The following TOPAZ1 variants were observed in gnomAD, a reference collection of about 807,000 sequenced individuals.
TOPAZ1 encodes the protein protein TOPAZ1.
Under a neutral mutation model 172.2 loss-of-function variants are expected in TOPAZ1, and 66 were observed. The ratio of observed to expected loss-of-function variants is 0.38; its 90% CI spans 0.31 to 0.47. TOPAZ1 has a LOEUF of 0.47. Among genes scored for constraint, TOPAZ1 ranks in the 20% least tolerant of loss-of-function variants. The pLI is 0.99. For synonymous variants in TOPAZ1, 681 were observed against 683.9 expected, an observed-to-expected ratio of 1.00 and a Z score of 0.07; for missense variants, 1,822 against 1,972.4, an observed-to-expected ratio of 0.92 and a Z score of 1.44.
At chr3:44,291,725 C>T (rs1156761588) in intron 12 of TOPAZ1, among the ~76,000 whole-genome samples, 1 of 142,564 alleles carries the variant, frequency 7.0e-6, no homozygotes, top group African/African-American at 2.6e-5. Context: ...GTATAACATA[C>T]ATAGAAAAAA....
At position 44,297,417 on chromosome 3, in the gene TOPAZ1, A is replaced by G. The variant is rs562500735; in HGVS notation, c.3797+6531A>G. On this transcript the variant is annotated intron_variant, in intron 12 of 19. Transcript: ENST00000309765. ...CATGATTATTCAATTAATACAGAAA[A>G]GCATTTGACAAAATTCAATATCCAT... 5.9e-5 allele frequency among the ~76,000 whole-genome samples: 9 copies of G among 152,218 alleles called. No individual in the cohort carries two copies. The South Asian group carries it at 1.7e-3, about 28-fold the overall frequency.
intron 2 of TOPAZ1, among the ~76,000 whole-genome samples, chr3:44,253,882 A>G (rs1176848765): frequency 6.6e-6 from 1 of 152,228 alleles, no homozygotes; most frequent in Non-Finnish European, 1.5e-5. Flanking sequence ...GGATATGCTT[A>G]TCCACTTGTT....
chr3:44,242,175 G>A lies in TOPAZ1; in HGVS notation c.122G>A (p.Gly41Glu), dbSNP rs920381805. ...GCGGGAGGCTGTGGCCCTGAGGCCG[G>A]GGGGTGCCGGGAAAATAAGCAAAAG... The part of the protein sequence containing the change: ...GAAGGCGPEA[G>E]GCRENKQKRR... Residue 41 changes from glycine to glutamate, a missense_variant, in exon 1 of 20, where the codon GGG becomes GAG. Gly to Glu is a moderately conservative substitution (Grantham distance 98). Coordinates refer to ENST00000309765, the MANE Select transcript of TOPAZ1 (RefSeq NM_001145030.2). The A allele has an allele frequency of 6.5e-7, 1 of 1,545,330 alleles. No individual in the cohort carries two copies. The highest frequency in any genetic ancestry group is 1.2e-5 in the South Asian group (1 of 83,490).
intron 2 of TOPAZ1, among the ~76,000 whole-genome samples, chr3:44,254,520 A>G (rs1219472100): frequency 1.3e-5 from 2 of 151,368 alleles, no homozygotes; most frequent in African/African-American, 2.4e-5. Context: ...CCAGCTACTC[A>G]GGAGGCTGAG....
chr3:44,254,980 A>G lies in TOPAZ1; in HGVS notation c.2778A>G (p.Val926=). The change falls in exon 3 of 20, where the codon GTA becomes GTG. Residue 926 remains valine, a synonymous_variant. Coordinates refer to ENST00000309765, the MANE Select transcript of TOPAZ1 (RefSeq NM_001145030.2). The part of the protein sequence containing the change: ...EPSDDLRELP[V]LDCGWIKPDI... ...TGCTTTATAATAGAGAACTTCCTGT[A>G]CTGGACTGTGGATGGATAAAGCCAG... The G allele has an allele frequency of 1.3e-6, 2 of 1,551,322 alleles. No individual in the cohort carries two copies. Among genetic ancestry groups the G allele is most frequent in the Non-Finnish European group, 1.7e-6 (2 of 1,146,594 alleles).
downstream of TOPAZ1, among the ~76,000 whole-genome samples, chr3:44,333,453 G>C (rs1459025711): frequency 6.6e-6 from 1 of 152,154 alleles, no homozygotes; most frequent in Non-Finnish European, 1.5e-5. Context: ...TAGAAAGTGG[G>C]CATTTGTAAA....
chr3:44,313,006 G>A (rs1178366275), intron 16 of TOPAZ1, among the ~76,000 whole-genome samples: 2 of 151,914 alleles, frequency 1.3e-5, no homozygotes, highest in East Asian at 3.9e-4. Flanking sequence ...TTTTTTTCAG[G>A]CAGTAGCCTT....
chr3:44,281,450 A>G (rs2125690787), intron 8 of TOPAZ1, among the ~76,000 whole-genome samples: 1 of 152,236 alleles, frequency 6.6e-6, no homozygotes, highest in South Asian at 2.1e-4. Context: ...GACTTTTTGC[A>G]TCCTGTTGAA....
At position 44,290,873 on chromosome 3, in the gene TOPAZ1, G is replaced by C. The variant is rs760375582; in HGVS notation, c.3784G>C (p.Glu1262Gln). Residue 1262 changes from glutamate (E) to glutamine (Q), a missense_variant, in exon 12 of 20, where the codon GAA (glutamate) becomes CAA (glutamine). Around this residue, in one of 2 missense-constraint regions of TOPAZ1, gnomAD observed 1,489 missense variants for 1,490.8 expected, o/e 1.00. Coordinates refer to ENST00000309765, the MANE Select transcript of TOPAZ1 (RefSeq NM_001145030.2). The part of the protein sequence containing the change: ...ASKQEITAVL[E>Q]MKSRLQMRRF... ...CAAACAAGAAATAACTGCAGTTCTG[G>C]AAATGAAATCGAGGTGAGAAAAATC... 25 of 1,543,224 alleles carry C rather than the reference G, an allele frequency of 1.6e-5. 1 individual carries two copies. In the African/African-American group the frequency reaches 3.0e-4, roughly 19 times the overall value.
At chr3:44,269,067 G>C in intron 6 of TOPAZ1, 149 bp from the exon 7 acceptor site, 1 of 604,258 alleles carries the variant, frequency 1.7e-6, no homozygotes, top group Non-Finnish European at 3.0e-6. Flanking sequence ...TATTTCACAG[G>C]AACACACATG....
intron 12 of TOPAZ1, among the ~76,000 whole-genome samples, chr3:44,298,051 A>G (rs572239307): frequency 6.6e-6 from 1 of 152,326 alleles, no homozygotes; most frequent in East Asian, 1.9e-4. Context: ...AATTTCATCC[A>G]TTGGTTTAAC....
chr3:44,328,172 C>T (rs530494940), intron 18 of TOPAZ1, 78 bp from the exon 19 acceptor site: 28 of 822,740 alleles, frequency 3.4e-5, no homozygotes, highest in South Asian at 3.2e-4. Context: ...AAGTAATTAT[C>T]GCCTGTAGGT....
intron 9 of TOPAZ1, among the ~76,000 whole-genome samples, chr3:44,284,080 C>T (rs1451833871): frequency 6.6e-6 from 1 of 151,850 alleles, no homozygotes; most frequent in Non-Finnish European, 1.5e-5. Context: ...AACATTTCCA[C>T]CGTCTGTCTT....
chr3:44,243,670 A>G lies in TOPAZ1; in HGVS notation c.1164A>G (p.Thr388=), dbSNP rs1330660222. ...TTTTGAGAAAAGTAAGCCATAATAC[A>G]GTCTCTTTGATGGATCATTTATTAA... ...LNVLRKVSHN[T]VSLMDHLLSV... The change falls in exon 2 of 20, where the codon ACA becomes ACG. Residue 388 remains threonine, a synonymous_variant. Transcript: ENST00000309765. 1 of 1,550,100 alleles carries G rather than the reference A, an allele frequency of 6.5e-7. No individual in the cohort carries two copies. The highest frequency in any genetic ancestry group is 8.7e-7 in the Non-Finnish European group (1 of 1,146,916).
At chr3:44,252,528 A>G (rs770193343) in intron 2 of TOPAZ1, among the ~76,000 whole-genome samples, 1 of 152,220 alleles carries the variant, frequency 6.6e-6, no homozygotes, top group Non-Finnish European at 1.5e-5. Context: ...CTGTTTGGCA[A>G]CTATGGTATT....
Position 44,243,528 on chromosome 3 carries a change from A to G in TOPAZ1, c.1022A>G (p.Asp341Gly), listed in dbSNP as rs752244714. 2 of 1,551,654 alleles carry G rather than the reference A, an allele frequency of 1.3e-6. No homozygotes were observed. The highest frequency in any genetic ancestry group is 1.2e-5 in the South Asian group (1 of 84,034). The change falls in exon 2 of 20, where the codon GAT (aspartate) becomes GGT (glycine). Residue 341 changes from aspartate to glycine, a missense_variant. Asp to Gly is a moderately conservative substitution (Grantham distance 94, BLOSUM62 -1). Transcript: ENST00000309765. Reference protein sequence around the residue: ...RKRMKLSEKADETVTEMNFSN... With the variant: ...RKRMKLSEKAGETVTEMNFSN... ...AGGATGAAGTTGTCTGAAAAAGCAG[A>G]TGAAACAGTTACTGAGATGAACTTC... is the stretch of plus-strand genomic sequence containing the variant.
chr3:44,328,118 T>C (rs953480021), intron 18 of TOPAZ1, 132 bp from the exon 19 acceptor site: 9 of 542,892 alleles, frequency 1.7e-5, no homozygotes, highest in African/African-American at 6.0e-5. Context: ...TAAGCTATCA[T>C]GTAATTTGTT....
At chr3:44,257,945 A>G (rs1288507372) in intron 4 of TOPAZ1, among the ~76,000 whole-genome samples, 1 of 152,016 alleles carries the variant, frequency 6.6e-6, no homozygotes, top group Non-Finnish European at 1.5e-5. Flanking sequence ...TAAAATGAAG[A>G]TTCATAAGAG....
intron 16 of TOPAZ1, among the ~76,000 whole-genome samples, chr3:44,311,144 CA>C (rs923688830): frequency 9.2e-5 from 14 of 152,030 alleles, no homozygotes; most frequent in African/African-American, 3.4e-4. Context: ...TATTCATATA[CA>C]TGTGATTCAT....
Sources: gnomAD v4.1 joint callset for allele counts (sites outside exome capture counted in the v4.1 genomes callset) on GRCh38, gnomAD v4.1.1 for gene constraint, gnomAD v4.1.1 regional missense constraint, MANE v1.5 for transcripts, NCBI Gene and HGNC (gene_info 2026-07-23, HGNC 2026-07-21) for gene names.